Variants in RAB23 observed in about 807,000 individuals in gnomAD.
RAB23 encodes RAB23, member RAS oncogene family.
In RAB23, 15 loss-of-function variants were observed where a neutral mutation model predicts 30.0. The observed-to-expected ratio is 0.50, with a 90% CI of 0.33 to 0.77. The LOEUF (loss-of-function observed/expected upper bound fraction) is 0.77. Ranked by LOEUF, RAB23 falls within the 30% of genes least tolerant of loss-of-function variation. The probability of loss-of-function intolerance (pLI) is 0.02; values close to 1 mark genes in which losing one functional copy is unlikely to be tolerated. For synonymous variants in RAB23, 93 were observed against 94.0 expected (o/e 0.99, Z 0.06); for missense variants, 243 against 275.4 (o/e 0.88, Z 0.83).
chr6:57,202,511 C>T (rs1486734977), intron 3 of RAB23, among the ~76,000 whole-genome samples: 1 of 152,202 alleles, frequency 6.6e-6, no homozygotes, highest in Non-Finnish European at 1.5e-5. Context: ...GTAACCCTCT[C>T]TCCCCAAGGA....
intron 4 of RAB23, among the ~76,000 whole-genome samples, chr6:57,195,838 T>C (rs961776714): frequency 2.0e-5 from 3 of 152,194 alleles, no homozygotes; most frequent in Non-Finnish European, 2.9e-5. Context: ...TGTGATATAA[T>C]AGATGTTTGT....
At chr6:57,211,101 A>G (rs1765636134) in intron 1 of RAB23, among the ~76,000 whole-genome samples, 1 of 152,210 alleles carries the variant, frequency 6.6e-6, no homozygotes, top group African/African-American at 2.4e-5. Context: ...CATGTATGAG[A>G]CATAAATGAA....
intron 1 of RAB23, among the ~76,000 whole-genome samples, chr6:57,213,563 T>G (rs547514731): frequency 6.6e-6 from 1 of 152,364 alleles, no homozygotes; most frequent in East Asian, 1.9e-4. Context: ...TCACATTTTA[T>G]CCTTTTAAAG....
intron 3 of RAB23, among the ~76,000 whole-genome samples, chr6:57,207,296 T>G (rs1274680935): frequency 2.0e-5 from 3 of 152,202 alleles, no homozygotes; most frequent in African/African-American, 7.2e-5. Flanking sequence ...GGGCTTTACT[T>G]TTTCGTATGT....
At position 57,210,374 on chromosome 6, in the gene RAB23, C is replaced by T; in HGVS notation, c.7G>A (p.Glu3Lys). 1 of 1,614,062 alleles carries T rather than the reference C, an allele frequency of 6.2e-7. No homozygotes were observed. Among genetic ancestry groups the T allele is most frequent in the East Asian group, 2.2e-5 (1 of 44,884 alleles). Residue 3 changes from glutamate (E) to lysine (K), a missense_variant, in exon 2 of 7, where the codon GAG becomes AAG. By Grantham distance (56) the Glu-to-Lys change is moderately conservative. Transcript: ENST00000468148. ...TTTATGGCGACTTCCATATCTTCCT[C>T]CAACATTTTTGGAGCTGAAATGGTT... ML[E>K]EDMEVAIKMV...
At chr6:57,192,670 T>C (rs971691625) in intron 6 of RAB23, among the ~76,000 whole-genome samples, 2 of 152,136 alleles carry the variant, frequency 1.3e-5, no homozygotes, top group African/African-American at 4.8e-5. Context: ...GGAGGATCAC[T>C]TGAGCCCAGG....
intron 1 of RAB23, among the ~76,000 whole-genome samples, chr6:57,211,707 C>T (rs1765661441): frequency 6.6e-6 from 1 of 152,206 alleles, no homozygotes; most frequent in Non-Finnish European, 1.5e-5. Context: ...TTACACCACA[C>T]ATTCTTGCTT....
Position 57,190,598 on chromosome 6 carries a change from C to A in RAB23, c.577G>T (p.Val193Phe), listed in dbSNP as rs1458429268. 2 of 1,613,954 alleles carry A rather than the reference C, an allele frequency of 1.2e-6. No homozygotes were observed. Among genetic ancestry groups the A allele is most frequent in the Admixed American group, 3.3e-5 (2 of 60,018 alleles). The change falls in exon 7 of 7, where the codon GTC becomes TTC. Residue 193 changes from valine (V) to phenylalanine (F), a missense_variant and splice_region_variant. By Grantham distance (50) the Val-to-Phe change is conservative (BLOSUM62 -1). Coordinates refer to ENST00000468148, the MANE Select transcript of RAB23 (RefSeq NM_016277.5). ...LTHSSSNKIG[V>F]FNTSGGSHSG... ...TGACTTCCACCAGATGTATTAAAGA[C>A]ACCTGTATAAATTGAGGGAAAAGAG...
Position 57,188,353 on chromosome 6 carries a change from GTTC to G in RAB23, c.*2105_*2107del, listed in dbSNP as rs1764691422. 6.6e-6 allele frequency: 1 copy of G among 151,988 alleles called. No individual in the cohort carries two copies. The highest frequency in any genetic ancestry group is 1.5e-5 in the Non-Finnish European group (1 of 67,964). 9.4% of individuals were successfully genotyped at this position (151,988 alleles called of 1,614,324 possible). On this transcript the variant is annotated 3_prime_UTR_variant, in exon 7 of 7. Coordinates refer to ENST00000468148, the MANE Select transcript of RAB23 (RefSeq NM_016277.5). ...AATATGTAACAAAGCTCTCTCTTCAGTTCTTATTTAAAAAAAGATAAAACTAGG... is the reference window on the plus strand; with the variant it reads ...AATATGTAACAAAGCTCTCTCTTCAGTTATTTAAAAAAAGATAAAACTAGG...
chr6:57,195,281 T>G lies in RAB23; in HGVS notation c.399-429A>C, dbSNP rs1056589411. On this transcript the variant is annotated intron_variant, in intron 4 of 6. Transcript: ENST00000468148. ...TCTGAAAATCTTACAGTGAATTACT[T>G]ATTTTATTCTTACTGGCCATGAAAC... Among the ~76,000 whole-genome samples, 14 of 152,334 alleles carry G rather than the reference T, an allele frequency of 9.2e-5. 1 individual carries two copies. Among genetic ancestry groups the G allele is most frequent in the Admixed American group, 5.9e-4 (9 of 15,308 alleles).
intron 1 of RAB23, among the ~76,000 whole-genome samples, chr6:57,214,163 G>C (rs1486023587): frequency 6.6e-6 from 1 of 152,088 alleles, no homozygotes; most frequent in Non-Finnish European, 1.5e-5. Context: ...CTACTAGAAA[G>C]TCAGGACTTA....
intron 1 of RAB23, among the ~76,000 whole-genome samples, chr6:57,214,233 C>A (rs920365406): frequency 1.3e-5 from 2 of 152,190 alleles, no homozygotes; most frequent in African/African-American, 2.4e-5. Context: ...AGTGGGTCAG[C>A]CTCTTCCCAG....
chr6:57,222,236 G>C lies in RAB23; in HGVS notation c.-576C>G, dbSNP rs1293555188. The C allele has an allele frequency of 6.6e-6, 1 of 152,528 alleles. No homozygotes were observed. Among genetic ancestry groups the C allele is most frequent in the Admixed American group, 6.5e-5 (1 of 15,296 alleles). The allele number at this position is 152,528 out of a possible 1,614,324, so 9.4% of individuals were successfully genotyped here. A position where few individuals can be genotyped will look rare whatever the true frequency, so the allele number is the denominator to read the frequency against. The stretch of plus-strand genomic sequence containing the variant: ...GCTCAGATTGAGTGGCTCAGCAGCA[G>C]CTCCGCCGGGGGTGGTGGGGCGCGG... On this transcript the variant is annotated 5_prime_UTR_variant, in exon 1 of 7. Transcript: ENST00000468148.
At chr6:57,207,599 A>G in intron 3 of RAB23, 29 bp downstream of exon 3, 1 of 1,513,642 alleles carries the variant, frequency 6.6e-7, no homozygotes, top group Non-Finnish European at 9.2e-7. Context: ...ATGCCCAAAC[A>G]AAATAAATAA....
At chr6:57,216,460 T>C (rs1765839290) in intron 1 of RAB23, among the ~76,000 whole-genome samples, 2 of 152,220 alleles carry the variant, frequency 1.3e-5, no homozygotes, top group Non-Finnish European at 1.5e-5. Context: ...ATATACCTCC[T>C]TTCAAGTACC....
At position 57,210,443 on chromosome 6, in the gene RAB23, A is replaced by T; in HGVS notation, c.-63T>A. The T allele has an allele frequency of 6.7e-7, 1 of 1,496,910 alleles. No individual in the cohort carries two copies. Among genetic ancestry groups the T allele is most frequent in the South Asian group, 1.1e-5 (1 of 87,710 alleles). The allele number at this position is 1,496,910 out of a possible 1,614,324, so 92.7% of individuals were successfully genotyped here. A position where few individuals can be genotyped will look rare whatever the true frequency, so the allele number is the denominator to read the frequency against. On this transcript the variant is annotated splice_region_variant and 5_prime_UTR_variant, in exon 2 of 7. It adds an upstream start codon to the 5' untranslated region. Transcript: ENST00000468148. ...CTAGGAGATCAGATCTTCCCTCTCAAATCTGTGGTTTAAAATGAAATTATT... is the reference window on the plus strand; with the variant it reads ...CTAGGAGATCAGATCTTCCCTCTCATATCTGTGGTTTAAAATGAAATTATT...
chr6:57,205,253 T>A (rs1333667153), intron 3 of RAB23, among the ~76,000 whole-genome samples: 1 of 151,486 alleles, frequency 6.6e-6, no homozygotes, highest in African/African-American at 2.4e-5. Context: ...TGTGTGTGTG[T>A]ATATATATAT....
chr6:57,207,953 T>G (rs1765508323), intron 2 of RAB23, among the ~76,000 whole-genome samples: 1 of 152,144 alleles, frequency 6.6e-6, no homozygotes, highest in South Asian at 2.1e-4. Flanking sequence ...TTCAAAAAAC[T>G]CATAAGCTGA....
chr6:57,204,132 T>A (rs1765369856), intron 3 of RAB23, among the ~76,000 whole-genome samples: 2 of 152,194 alleles, frequency 1.3e-5, no homozygotes, highest in African/African-American at 4.8e-5. Context: ...ATCGATTTTA[T>A]ATAACTGGTG....
Sources: allele counts gnomAD v4.1 joint callset (sites outside exome capture counted in the v4.1 genomes callset), GRCh38; gene constraint gnomAD v4.1.1; transcripts MANE v1.5; gene names NCBI Gene and HGNC (gene_info 2026-07-23, HGNC 2026-07-21).